The following RBMS3 variants were observed in gnomAD, a reference collection of about 807,000 sequenced individuals.
The protein encoded by RBMS3 is RNA-binding motif, single-stranded-interacting protein 3.
RBMS3 carries 27 observed loss-of-function variants against 66.8 expected under a neutral mutation model. That is an observed-to-expected ratio of 0.40 (90% confidence interval 0.30 to 0.56). The LOEUF (loss-of-function observed/expected upper bound fraction) is 0.56. Ranked by LOEUF, RBMS3 falls within the 20% of genes least tolerant of loss-of-function variation. The probability of loss-of-function intolerance (pLI) is 0.40; values close to 1 mark genes in which losing one functional copy is unlikely to be tolerated. For synonymous variants in RBMS3, 188 were observed against 183.0 expected (o/e 1.03, Z -0.22); for missense variants, 513 against 549.5 (o/e 0.93, Z 0.66).
At chr3:29,846,693 T>TA (rs552707934) in intron 6 of RBMS3, among the ~76,000 whole-genome samples, 168 of 152,236 alleles carry the variant, frequency 1.1e-3, no homozygotes, top group African/African-American at 3.9e-3. Context: ...AAATACTCTC[T>TA]AAAAAAATGT....
At chr3:29,790,703 T>C (rs2056981962) in intron 6 of RBMS3, among the ~76,000 whole-genome samples, 1 of 152,180 alleles carries the variant, frequency 6.6e-6, no homozygotes, top group South Asian at 2.1e-4. Context: ...GTGTTAATTT[T>C]CAAAAAGACT....
chr3:29,342,718 G>T (rs1291919277), intron 1 of RBMS3, among the ~76,000 whole-genome samples: 1 of 152,038 alleles, frequency 6.6e-6, no homozygotes, highest in Non-Finnish European at 1.5e-5. Flanking sequence ...TATATAGTCA[G>T]GTAAGTATAT....
chr3:29,773,252 C>G lies in RBMS3; in HGVS notation c.637+10263C>G, dbSNP rs73831020. 4.1e-3 allele frequency among the ~76,000 whole-genome samples: 616 copies of G among 152,090 alleles called. 7 individuals carry two copies. The highest frequency in any genetic ancestry group is 0.014 in the African/African-American group (564 of 41,502). ...TCCTAAAGCTCTAAATGCCCTAAAT[C>G]TTTCATCTGAAAGCTTAGTTTTGAG... On this transcript the variant is annotated intron_variant, in intron 6 of 14. Coordinates refer to ENST00000383767, the MANE Select transcript of RBMS3 (RefSeq NM_001003793.3).
chr3:29,817,779 T>C (rs1376199302), intron 6 of RBMS3, among the ~76,000 whole-genome samples: 1 of 151,928 alleles, frequency 6.6e-6, no homozygotes, highest in Admixed American at 6.6e-5. Context: ...TGATAAACCA[T>C]TTGAAATAAT....
intron 6 of RBMS3, among the ~76,000 whole-genome samples, chr3:29,765,141 G>A (rs202061985): frequency 6.6e-6 from 1 of 151,922 alleles, no homozygotes; most frequent in East Asian, 1.9e-4. Context: ...GAAGAAAAGA[G>A]GATATAATAC....
chr3:29,537,537 A>T (rs1298164971), intron 3 of RBMS3: 1 of 152,126 alleles, frequency 6.6e-6, no homozygotes, highest in Non-Finnish European at 1.5e-5. Flanking sequence ...ATAAAAACAC[A>T]TTTTTGGTCG....
intron 2 of RBMS3, among the ~76,000 whole-genome samples, chr3:29,460,686 T>C (rs907566046): frequency 1.6e-4 from 24 of 152,224 alleles, no homozygotes; most frequent in African/African-American, 5.5e-4. Flanking sequence ...GTATTAGTAA[T>C]GCTTAATTTC....
intron 8 of RBMS3, among the ~76,000 whole-genome samples, chr3:29,889,045 T>TA (rs146165759): frequency 0.061 from 9,188 of 151,796 alleles, 299 homozygotes; most frequent in Non-Finnish European, 0.073. Context: ...TTTAAAGTAT[T>TA]ACGTGGCCTT....
chr3:29,502,226 G>A (rs1245965432), intron 3 of RBMS3, among the ~76,000 whole-genome samples: 1 of 151,950 alleles, frequency 6.6e-6, no homozygotes, highest in African/African-American at 2.4e-5. Context: ...TTGTTGAATG[G>A]ACATCAAGTA....
At chr3:29,727,430 A>T (rs891044940) in intron 4 of RBMS3, among the ~76,000 whole-genome samples, 1 of 152,204 alleles carries the variant, frequency 6.6e-6, no homozygotes, top group African/African-American at 2.4e-5. Context: ...TGAACATGCA[A>T]ACTACAGAAT....
intron 14 of RBMS3, among the ~76,000 whole-genome samples, chr3:29,997,836 G>A (rs929388381): frequency 1.8e-4 from 27 of 152,218 alleles, no homozygotes; most frequent in African/African-American, 6.3e-4. Flanking sequence ...AAAACTGGAA[G>A]CATTCCCTTT....
At chr3:29,741,725 A>T (rs2054657560) in intron 5 of RBMS3, among the ~76,000 whole-genome samples, 1 of 152,220 alleles carries the variant, frequency 6.6e-6, no homozygotes, top group Non-Finnish European at 1.5e-5. Flanking sequence ...TGGCTCATAC[A>T]ACATGAATTT....
intron 6 of RBMS3, among the ~76,000 whole-genome samples, chr3:29,864,475 T>A (rs1383295320): frequency 6.6e-6 from 1 of 152,078 alleles, no homozygotes; most frequent in South Asian, 2.1e-4. Flanking sequence ...ATCTTTTCCA[T>A]CAACACATCT....
intron 1 of RBMS3, among the ~76,000 whole-genome samples, chr3:29,408,657 T>C (rs913051169): frequency 1.2e-4 from 18 of 152,208 alleles, no homozygotes; most frequent in African/African-American, 4.1e-4. Context: ...ATATTTTCTT[T>C]CTAAATCATA....
At chr3:29,804,979 C>T (rs180802748) in intron 6 of RBMS3, among the ~76,000 whole-genome samples, 1 of 151,116 alleles carries the variant, frequency 6.6e-6, no homozygotes, top group African/African-American at 2.4e-5. Flanking sequence ...TTGAAATTCC[C>T]AGTGATATGT....
In RBMS3 at chr3:29,736,675, C is replaced by G. The variant is rs187414988; in HGVS notation, c.400-3045C>G. On this transcript the variant is annotated intron_variant, in intron 4 of 14. Coordinates refer to ENST00000383767, the MANE Select transcript of RBMS3 (RefSeq NM_001003793.3). ...CTCCAAAGCTCTGGGGCACGTATTT[C>G]TTGTATAACTTGAGTAGTTCTAGAC... Among the ~76,000 whole-genome samples, 12 of 152,264 alleles carry G rather than the reference C, an allele frequency of 7.9e-5. No homozygotes were observed. The East Asian group carries it at 2.3e-3, about 29-fold the overall frequency.
intron 10 of RBMS3, among the ~76,000 whole-genome samples, chr3:29,928,935 ACAAGTT>A (rs1463134153): frequency 2.0e-5 from 3 of 152,344 alleles, no homozygotes; most frequent in Non-Finnish European, 4.4e-5. Flanking sequence ...GCTGATGAAC[ACAAGTT>A]CACCCTTTGT....
chr3:29,408,781 G>T (rs1399616386), intron 1 of RBMS3, among the ~76,000 whole-genome samples: 1 of 152,198 alleles, frequency 6.6e-6, no homozygotes, highest in Non-Finnish European at 1.5e-5. Flanking sequence ...ATACAGAGTT[G>T]AAGAATCTGT....
intron 12 of RBMS3, among the ~76,000 whole-genome samples, chr3:29,983,555 G>GT (rs1179610606): frequency 6.6e-6 from 1 of 151,982 alleles, no homozygotes; most frequent in Non-Finnish European, 1.5e-5. Flanking sequence ...GCTGGTGCCA[G>GT]TTTTTCCTTT....
Sources: gnomAD v4.1 joint callset for allele counts (sites outside exome capture counted in the v4.1 genomes callset) on GRCh38, gnomAD v4.1.1 for gene constraint, MANE v1.5 for transcripts, NCBI Gene and HGNC (gene_info 2026-07-23, HGNC 2026-07-21) for gene names.